Variants in CTNNA3 observed in about 807,000 individuals in gnomAD.
CTNNA3 encodes catenin alpha 3.
CTNNA3 carries 76 observed loss-of-function variants against 95.7 expected under a neutral mutation model. That is an observed-to-expected ratio of 0.79 (90% CI 0.66 to 0.96). The LOEUF (loss-of-function observed/expected upper bound fraction) is 0.96, where lower values mean the gene tolerates loss of function less well. Ranked by LOEUF, CTNNA3 falls within the 40% of genes least tolerant of loss-of-function variation. The probability of loss-of-function intolerance (pLI) is 0.00; values close to 1 mark genes in which losing one functional copy is unlikely to be tolerated. For synonymous variants in CTNNA3, 431 were observed against 374.4 expected (o/e 1.15, Z -1.74); for missense variants, 1,191 against 1,089.8 (o/e 1.09, Z -1.31).
At chr10:67,753,691 C>T (rs1185021414) in intron 1 of CTNNA3, among the ~76,000 whole-genome samples, 1 of 152,014 alleles carries the variant, frequency 6.6e-6, no homozygotes, top group Non-Finnish European at 1.5e-5. Flanking sequence ...AAGACATTTA[C>T]GTGGCCAAGA....
chr10:66,364,962 T>C (rs1199764614), intron 12 of CTNNA3, among the ~76,000 whole-genome samples: 1 of 152,138 alleles, frequency 6.6e-6, no homozygotes, highest in Non-Finnish European at 1.5e-5. Context: ...AATAATCAAC[T>C]CTATTAAGGA....
intron 11 of CTNNA3, among the ~76,000 whole-genome samples, chr10:66,420,358 A>T (rs1466613970): frequency 6.6e-6 from 1 of 152,076 alleles, no homozygotes; most frequent in Non-Finnish European, 1.5e-5. Flanking sequence ...TAGGATGGCT[A>T]TTTTTTTATT....
chr10:66,296,801 C>A (rs575318012), intron 12 of CTNNA3, among the ~76,000 whole-genome samples: 1 of 152,186 alleles, frequency 6.6e-6, no homozygotes, highest in Admixed American at 6.5e-5. Flanking sequence ...CTGGCTTTAA[C>A]ACATCCACAA....
chr10:67,615,118 A>G (rs1275836152), intron 2 of CTNNA3, among the ~76,000 whole-genome samples: 3 of 152,262 alleles, frequency 2.0e-5, no homozygotes, highest in African/African-American at 7.2e-5. Flanking sequence ...AATTCAATCC[A>G]TAACAATCTT....
At position 66,278,403 on chromosome 10, in the gene CTNNA3, C is replaced by T. The variant is rs940884739; in HGVS notation, c.1884+2067G>A. 2.6e-5 allele frequency among the ~76,000 whole-genome samples: 4 copies of T among 151,562 alleles called. No homozygotes were observed. In the South Asian group the frequency reaches 6.3e-4, roughly 24 times the overall value. On this transcript the variant is annotated intron_variant, in intron 13 of 17. Coordinates refer to ENST00000433211, the MANE Select transcript of CTNNA3 (RefSeq NM_013266.4). The stretch of plus-strand genomic sequence containing the variant: ...AAATTAAATAAAGACTAGTGAAGAA[C>T]ACAAAATACTAAATTTTTCTTATGA...
chr10:66,166,966 G>A (rs1222722742), intron 13 of CTNNA3, among the ~76,000 whole-genome samples: 1 of 152,172 alleles, frequency 6.6e-6, no homozygotes, highest in Non-Finnish European at 1.5e-5. Flanking sequence ...GGAGGTTGGA[G>A]AGGTGTGAAG....
chr10:66,297,204 T>A (rs1175583884), intron 12 of CTNNA3, among the ~76,000 whole-genome samples: 4 of 152,096 alleles, frequency 2.6e-5, no homozygotes, highest in Non-Finnish European at 5.9e-5. Flanking sequence ...ACATAAGAGA[T>A]AAAAATAAAT....
chr10:67,457,501 C>T (rs190066190), intron 5 of CTNNA3, among the ~76,000 whole-genome samples: 1 of 152,310 alleles, frequency 6.6e-6, no homozygotes, highest in East Asian at 1.9e-4. Context: ...TTTCATTCAT[C>T]AAATCAGAAT....
At chr10:66,676,312 C>T (rs1232850655) in intron 9 of CTNNA3, among the ~76,000 whole-genome samples, 2 of 152,060 alleles carry the variant, frequency 1.3e-5, no homozygotes, top group Non-Finnish European at 2.9e-5. Flanking sequence ...TCCTGAGCGT[C>T]TGTGAGGTCA....
At chr10:67,284,530 A>C (rs548326360) in intron 5 of CTNNA3, among the ~76,000 whole-genome samples, 1 of 152,278 alleles carries the variant, frequency 6.6e-6, no homozygotes, top group African/African-American at 2.4e-5. Context: ...TACAGCGAGT[A>C]AGTAAAAAAA....
At chr10:65,937,821 AT>A (rs570666580) in intron 17 of CTNNA3, among the ~76,000 whole-genome samples, 25 of 152,022 alleles carry the variant, frequency 1.6e-4, no homozygotes, top group Non-Finnish European at 3.7e-4. Flanking sequence ...AGAAATGACT[AT>A]TTTTTTCTTT....
intron 13 of CTNNA3, among the ~76,000 whole-genome samples, chr10:66,232,294 G>A (rs796168136): frequency 5.1e-4 from 77 of 152,208 alleles, no homozygotes; most frequent in African/African-American, 1.8e-3. Context: ...AACTAATACA[G>A]TTTAGTTCAA....
chr10:66,817,122 AC>A (rs1261637175), intron 7 of CTNNA3, among the ~76,000 whole-genome samples: 6 of 152,166 alleles, frequency 3.9e-5, no homozygotes, highest in African/African-American at 1.4e-4. Flanking sequence ...TACAGTGTAT[AC>A]TGCTCAGGTG....
chr10:66,143,969 T>A (rs886954364), intron 13 of CTNNA3, among the ~76,000 whole-genome samples: 2 of 152,244 alleles, frequency 1.3e-5, no homozygotes. Context: ...TTAAAATATG[T>A]CATAGTATAA....
At chr10:67,049,694 A>C (rs1854964498) in intron 7 of CTNNA3, among the ~76,000 whole-genome samples, 1 of 152,212 alleles carries the variant, frequency 6.6e-6, no homozygotes, top group African/African-American at 2.4e-5. Flanking sequence ...GTCCCTGACA[A>C]GTACAAATTC....
chr10:67,394,207 G>T (rs1844632593), intron 5 of CTNNA3, among the ~76,000 whole-genome samples: 1 of 151,358 alleles, frequency 6.6e-6, no homozygotes, highest in Non-Finnish European at 1.5e-5. Flanking sequence ...CCCTAATCAT[G>T]TAAAATAAGA....
chr10:65,933,867 T>C (rs1032052669), intron 17 of CTNNA3, among the ~76,000 whole-genome samples: 2 of 152,154 alleles, frequency 1.3e-5, no homozygotes, highest in African/African-American at 4.8e-5. Context: ...TCTAGAGGTG[T>C]TTCATGTGAC....
intron 7 of CTNNA3, among the ~76,000 whole-genome samples, chr10:67,081,854 C>T (rs1003004322): frequency 6.6e-6 from 1 of 152,156 alleles, no homozygotes; most frequent in African/African-American, 2.4e-5. Flanking sequence ...ATCATGCCCT[C>T]CTCTGGAGCC....
At chr10:66,895,276 T>G (rs2132506086) in intron 7 of CTNNA3, among the ~76,000 whole-genome samples, 1 of 152,206 alleles carries the variant, frequency 6.6e-6, no homozygotes, top group Non-Finnish European at 1.5e-5. Context: ...ATTGCAGTCT[T>G]TTTGTTACAA....
Sources: gnomAD v4.1 joint callset for allele counts (sites outside exome capture counted in the v4.1 genomes callset) on GRCh38, gnomAD v4.1.1 for gene constraint, MANE v1.5 for transcripts, NCBI Gene and HGNC (gene_info 2026-07-23, HGNC 2026-07-21) for gene names.